The following ANKRD26 variants were observed in gnomAD, a reference collection of about 807,000 sequenced individuals.
The protein encoded by ANKRD26 is ankyrin repeat domain-containing protein 26.
Under a neutral mutation model 208.7 loss-of-function variants are expected in ANKRD26, and 141 were observed. The observed-to-expected ratio is 0.68, with a 90% CI of 0.59 to 0.78. The LOEUF (loss-of-function observed/expected upper bound fraction) is 0.78. ANKRD26 is among the 30% of genes least tolerant of loss of function. The pLI, the probability that ANKRD26 is intolerant of heterozygous loss-of-function variation, is 0.00. For synonymous variants in ANKRD26, 636 were observed against 660.4 expected, an observed-to-expected ratio of 0.96 and a Z score of 0.57; for missense variants, 1,889 against 1,938.7, an observed-to-expected ratio of 0.97 and a Z score of 0.48.
chr10:27,061,034 T>C, intron 13 of ANKRD26, 110 bp downstream of exon 13: 1 of 846,216 alleles, frequency 1.2e-6, no homozygotes, highest in African/African-American at 1.7e-5. Flanking sequence ...GATGCCACTT[T>C]ACTTGGATAT....
In ANKRD26 at chr10:27,086,773, T is replaced by TTG. The variant is rs1554795272; in HGVS notation, c.639-165_639-164insCA. 1.4e-4 allele frequency among the ~76,000 whole-genome samples: 19 copies of TTG among 138,506 alleles called. 2 individuals are homozygous for TTG. The highest frequency in any genetic ancestry group is 5.3e-4 in the African/African-American group (19 of 35,824). 90.9% of individuals were successfully genotyped at this position (138,506 alleles called of 152,430 possible). On this transcript the variant is annotated intron_variant, in intron 4 of 33. Transcript: ENST00000376087. ...TAAGCTCTACAAACTTTTTTGTTTT[T>TTG]TTTTTTTTTTTTTTTTGAGACAGAG...
intron 26 of ANKRD26, 91 bp from the exon 27 acceptor site, chr10:27,029,036 A>G: frequency 8.6e-7 from 1 of 1,161,228 alleles, no homozygotes; most frequent in Non-Finnish European, 1.2e-6. Flanking sequence ...GCATAATTAC[A>G]TAAATTCTTA....
At chr10:26,990,634 C>T (rs1335394817), downstream of ANKRD26, among the ~76,000 whole-genome samples, 1 of 152,104 alleles carries the variant, frequency 6.6e-6, no homozygotes, top group African/African-American at 2.4e-5. Context: ...GTATTCCTCC[C>T]AGACACCCTC....
chr10:27,100,445 G>A lies in ANKRD26; in HGVS notation c.-119C>T. On this transcript the variant is annotated 5_prime_UTR_variant, in exon 1 of 34. Coordinates refer to ENST00000376087, the MANE Select transcript of ANKRD26 (RefSeq NM_014915.3). Reference sequence around the variant, plus strand: ...GCAGCCTCCCAAAGGAAACTCCGCGGTTTCCAATCTCTCCCTCCGGGTTAC... The same window carrying A: ...GCAGCCTCCCAAAGGAAACTCCGCGATTTCCAATCTCTCCCTCCGGGTTAC... 3 of 1,442,732 alleles carry A rather than the reference G, an allele frequency of 2.1e-6. No homozygotes were observed. Among genetic ancestry groups the A allele is most frequent in the Admixed American group, 2.3e-5 (1 of 42,820 alleles). 89.4% of individuals were successfully genotyped at this position (1,442,732 alleles called of 1,614,324 possible).
At position 26,984,843 on chromosome 10, in the gene ANKRD26, A is replaced by AATTATACCATTATACC. The variant is rs553336862; in HGVS notation, c.490-2031_490-2030insGGTATAATGGTATAAT. On this transcript the variant is annotated intron_variant and NMD_transcript_variant, in intron 3 of 5. Coordinates refer to the ANKRD26 transcript ENST00000674670. ...GTGAAAAGCCCCTATGAACTTAGCC[A>AATTATACCATTATACC]ATTGTGTTTTAATTATACCATTGGT... is the stretch of plus-strand genomic sequence containing the variant. 1.1e-4 allele frequency among the ~76,000 whole-genome samples: 17 copies of AATTATACCATTATACC among 152,248 alleles called. No homozygotes were observed. In the South Asian group the frequency reaches 3.5e-3, roughly 32 times the overall value.
chr10:27,077,613 G>A lies in ANKRD26; in HGVS notation c.874+20C>T. 1.3e-5 allele frequency: 21 copies of A among 1,612,920 alleles called. No homozygotes were observed. The highest frequency in any genetic ancestry group is 1.7e-5 in the Non-Finnish European group (20 of 1,179,372). On this transcript the variant is annotated intron_variant, in intron 8 of 33. Coordinates refer to ENST00000376087, the MANE Select transcript of ANKRD26 (RefSeq NM_014915.3). ...GAATCAGTGAATAACACAAGAATAA[G>A]CAGTTTTCAAACAGCTTACAATTTT...
intron 28 of ANKRD26, among the ~76,000 whole-genome samples, 165 bp downstream of exon 28, chr10:27,024,282 A>G (rs925397054): frequency 2.6e-5 from 4 of 152,208 alleles, no homozygotes; most frequent in Admixed American, 2.6e-4. Context: ...AGGCATTCCA[A>G]AAGTTTCAGA....
chr10:27,065,732 C>CA (rs67274022), intron 11 of ANKRD26, among the ~76,000 whole-genome samples: 74,579 of 137,212 alleles, frequency 0.54, 21,372 homozygotes, highest in Non-Finnish European at 0.67. Context: ...TGTCAAAAAA[C>CA]AAAAAAAAAA....
intron 11 of ANKRD26, among the ~76,000 whole-genome samples, chr10:27,064,604 G>T (rs769638504): frequency 2.0e-5 from 3 of 152,160 alleles, no homozygotes; most frequent in South Asian, 2.1e-4. Context: ...AGAAACTCTG[G>T]AGTATGCCCT....
Position 27,067,243 on chromosome 10 carries a change from A to G in ANKRD26, c.1121T>C (p.Ile374Thr). The change falls in exon 10 of 34, where the codon ATT becomes ACT. Residue 374 changes from isoleucine (I) to threonine (T), a missense_variant. By Grantham distance (89) the Ile-to-Thr change is moderately conservative. Around this residue, in one of 3 missense-constraint regions of ANKRD26, gnomAD observed 1,272 missense variants for 1,273.8 expected, o/e 1.00. Transcript: ENST00000376087. ...TAGTGGAGCACTTTCAATAATATCAATACCATTTTCTTTTTTTGCAATGCC... is the reference window on the plus strand; with the variant it reads ...TAGTGGAGCACTTTCAATAATATCAGTACCATTTTCTTTTTTTGCAATGCC... ...KPGIAKKENG[I>T]DIIESAPLEQ... 1.2e-6 allele frequency: 2 copies of G among 1,613,892 alleles called. No individual in the cohort carries two copies. The highest frequency in any genetic ancestry group is 1.7e-6 in the Non-Finnish European group (2 of 1,179,970).
At chr10:27,038,717 T>G (rs1283175636) in intron 21 of ANKRD26, among the ~76,000 whole-genome samples, 1 of 151,666 alleles carries the variant, frequency 6.6e-6, no homozygotes, top group African/African-American at 2.4e-5. Flanking sequence ...ATCATTAAAC[T>G]AACTAAAAAG....
In ANKRD26 at chr10:27,044,178, T is replaced by C. The variant is rs372489280; in HGVS notation, c.1998A>G (p.Lys666=). ...GTACCTTGTTCTTTTCATTAGATGT[T>C]TTCTTAGTAGGCCTAAAAAAAAAAA... The part of the protein sequence containing the change: ...IDEDEGRPTK[K]TSNEKNKVKN... Residue 666 remains lysine, a synonymous_variant, in exon 19 of 34, where the codon AAA becomes AAG. Transcript: ENST00000376087. The C allele has an allele frequency of 9.8e-5, 140 of 1,432,818 alleles. No homozygotes were observed. The African/African-American group carries it at 1.6e-3, about 16-fold the overall frequency. The allele number at this position is 1,432,818 out of a possible 1,614,324, so 88.8% of individuals were successfully genotyped here. A position where few individuals can be genotyped will look rare whatever the true frequency, so the allele number is the denominator to read the frequency against.
intron 30 of ANKRD26, among the ~76,000 whole-genome samples, chr10:27,016,258 G>T (rs1352964354): frequency 1.3e-5 from 2 of 152,056 alleles, no homozygotes; most frequent in African/African-American, 4.8e-5. Context: ...CAAAGTGCTA[G>T]GATTACAGGT....
intron 6 of ANKRD26, chr10:27,079,940 G>A (rs913046929): frequency 2.6e-5 from 5 of 188,946 alleles, no homozygotes; most frequent in East Asian, 1.8e-4. Context: ...GGCAGATCAC[G>A]AGGTCAGGAG....
At position 27,065,859 on chromosome 10, in the gene ANKRD26, C is replaced by CTTTTTTT. The variant is rs767106612; in HGVS notation, c.1269+621_1269+627dup. ...ATAGGCTAACCTGAAATAATTCTTTCTTTTTTTTTTTTTTTTTTTTTTTTT... is the reference window on the plus strand; with the variant it reads ...ATAGGCTAACCTGAAATAATTCTTTCTTTTTTTTTTTTTTTTTTTTTTTTTTTTTTTT... On this transcript the variant is annotated intron_variant, in intron 11 of 33. Coordinates refer to ENST00000376087, the MANE Select transcript of ANKRD26 (RefSeq NM_014915.3). 1.3e-3 allele frequency among the ~76,000 whole-genome samples: 96 copies of CTTTTTTT among 72,954 alleles called. 1 individual carries two copies. In the East Asian group the frequency reaches 0.018, roughly 14 times the overall value. 47.9% of individuals were successfully genotyped at this position (72,954 alleles called of 152,430 possible). A position where few individuals can be genotyped will look rare whatever the true frequency, so the allele number is the denominator to read the frequency against.
In ANKRD26 at chr10:27,093,473, C is replaced by T. The variant is rs372644047; in HGVS notation, c.407G>A (p.Gly136Asp). 48 of 1,614,180 alleles carry T rather than the reference C, an allele frequency of 3.0e-5. No individual in the cohort carries two copies. In the East Asian group the frequency reaches 9.6e-4, roughly 32 times the overall value. ...GACATCCGCAAGATTTGGATCAGCA[C>T]CATGTTCTAGCAGAATAGTTGCACA... is the stretch of plus-strand genomic sequence containing the variant. ...EKCATILLEH[G>D]ADPNLADVHG... The change falls in exon 3 of 34, where the codon GGT (glycine) becomes GAT (aspartate). Residue 136 changes from glycine (G) to aspartate (D), a missense_variant. By Grantham distance (94) the Gly-to-Asp change is moderately conservative. Transcript: ENST00000376087.
intron 27 of ANKRD26, among the ~76,000 whole-genome samples, chr10:27,028,627 G>T (rs2053759221): frequency 6.8e-6 from 1 of 147,374 alleles, no homozygotes; most frequent in Non-Finnish European, 1.5e-5. Context: ...GTAACTTCAG[G>T]CTACATATAT....
downstream of ANKRD26, among the ~76,000 whole-genome samples, chr10:26,972,100 T>C (rs7083242): frequency 0.52 from 79,169 of 151,606 alleles, 20,756 homozygotes; most frequent in Admixed American, 0.55. Context: ...CCAGGCGTGG[T>C]GGCGGGCGCC....
rs542921422 is a variant in ANKRD26 at position 27,071,350 on chromosome 10, T to C, written c.1078-4064A>G. ...CCGGCTAATTTTTTGTATTTTTTTT[T>C]TTTTTAGTAGGGACGGGGTTTCACC... On this transcript the variant is annotated intron_variant, in intron 9 of 33. Transcript: ENST00000376087. Among the ~76,000 whole-genome samples the C allele has an allele frequency of 4.6e-3, 685 of 150,448 alleles. 2 individuals are homozygous for C. Among genetic ancestry groups the C allele is most frequent in the Middle Eastern group, 0.01 (3 of 292 alleles).
Sources: allele counts gnomAD v4.1 joint callset (sites outside exome capture counted in the v4.1 genomes callset), GRCh38; gene constraint gnomAD v4.1.1; regional missense constraint gnomAD v4.1.1; transcripts MANE v1.5; gene names NCBI Gene and HGNC (gene_info 2026-07-23, HGNC 2026-07-21).